The following DCAF5 variants were observed in gnomAD, a reference collection of about 807,000 sequenced individuals.
DCAF5 encodes the protein DDB1- and CUL4-associated factor 5.
DCAF5 carries 9 observed loss-of-function variants against 80.7 expected under a neutral mutation model. The observed-to-expected ratio is 0.11, with a 90% confidence interval of 0.07 to 0.19. The LOEUF is 0.19. Ranked by LOEUF, DCAF5 falls within the 10% of genes least tolerant of loss-of-function variation. The pLI, the probability that DCAF5 is intolerant of heterozygous loss-of-function variation, is 1.00. For synonymous variants in DCAF5, 433 were observed against 461.9 expected (o/e 0.94, Z 0.80); for missense variants, 842 against 1,205.7 (o/e 0.70, Z 4.47).
chr14:69,059,882 G>A (rs190034308), intron 8 of DCAF5, among the ~76,000 whole-genome samples: 1 of 152,346 alleles, frequency 6.6e-6, no homozygotes, highest in African/African-American at 2.4e-5. Context: ...GAGCTCCATA[G>A]TTCAGTCTGG....
At chr14:69,110,166 T>C (rs2040306470) in intron 5 of DCAF5, among the ~76,000 whole-genome samples, 1 of 152,166 alleles carries the variant, frequency 6.6e-6, no homozygotes, top group African/African-American at 2.4e-5. Context: ...TGATTTTTTG[T>C]TTTTTACTTA....
intron 8 of DCAF5, among the ~76,000 whole-genome samples, chr14:69,059,335 A>G (rs537839097): frequency 6.6e-6 from 1 of 152,294 alleles, no homozygotes; most frequent in East Asian, 1.9e-4. Context: ...AGGTGGCAGT[A>G]AAGGACAAGG....
intron 7 of DCAF5, among the ~76,000 whole-genome samples, chr14:69,064,107 G>T (rs1463779654): frequency 1.3e-5 from 2 of 152,078 alleles, no homozygotes; most frequent in Non-Finnish European, 2.9e-5. Flanking sequence ...TTCCTAAGGT[G>T]GTATGAAAGG....
chr14:69,122,547 T>C (rs2040754784), intron 1 of DCAF5, among the ~76,000 whole-genome samples, 187 bp from the exon 2 acceptor site: 1 of 152,172 alleles, frequency 6.6e-6, no homozygotes, highest in African/African-American at 2.4e-5. Flanking sequence ...CTCTAGGCCA[T>C]TCATCTCTCC....
Position 69,054,520 on chromosome 14 carries a change from G to T in DCAF5, c.2166C>A (p.Asp722Glu), listed in dbSNP as rs754089647. The change falls in exon 9 of 9, where the codon GAC becomes GAA. Residue 722 changes from aspartate (D) to glutamate (E), a missense_variant. Asp to Glu is a conservative substitution (Grantham distance 45). Transcript: ENST00000341516. ...LNIAMAQRNQ[D>E]LPPEGCSKDT... ...CCTTGCTGCAGCCTTCAGGTGGCAG[G>T]TCCTGGTTCCTCTGGGCCATTGCTA... is the stretch of plus-strand genomic sequence containing the variant. 2.5e-6 allele frequency: 4 copies of T among 1,614,166 alleles called. No homozygotes were observed. The highest frequency in any genetic ancestry group is 8.5e-7 in the Non-Finnish European group (1 of 1,180,026).
intron 6 of DCAF5, chr14:69,084,349 T>C (rs755117674): frequency 1.5e-5 from 14 of 948,868 alleles, no homozygotes; most frequent in Non-Finnish European, 2.4e-5. Context: ...GGTTTATGTA[T>C]AAAAATCTGC....
intron 5 of DCAF5, among the ~76,000 whole-genome samples, chr14:69,110,868 C>G (rs1198985038): frequency 9.3e-6 from 1 of 108,102 alleles, no homozygotes; most frequent in East Asian, 3.6e-4. Context: ...CAGACCAAGA[C>G]CCTGTCTCAA....
chr14:69,105,945 A>ATATATATATATATATC, intron 5 of DCAF5, among the ~76,000 whole-genome samples: 1 of 66,664 alleles, frequency 1.5e-5, no homozygotes, highest in East Asian at 2.6e-4. Context: ...ATATATATAT[A>ATATATATATATATATC]TCTCCTATTG....
chr14:69,103,070 T>A (rs1426097196), intron 5 of DCAF5, among the ~76,000 whole-genome samples: 1 of 152,226 alleles, frequency 6.6e-6, no homozygotes, highest in African/African-American at 2.4e-5. Context: ...ACTTTTGTCA[T>A]ACATGTGGGT....
chr14:69,059,649 T>C (rs1268900429), intron 8 of DCAF5, among the ~76,000 whole-genome samples: 2 of 152,190 alleles, frequency 1.3e-5, no homozygotes, highest in African/African-American at 4.8e-5. Flanking sequence ...GCCATTGGTC[T>C]CATCCTTCTC....
chr14:69,122,007 G>A (rs1285789514), intron 2 of DCAF5, among the ~76,000 whole-genome samples: 3 of 151,890 alleles, frequency 2.0e-5, no homozygotes, highest in Non-Finnish European at 2.9e-5. Flanking sequence ...AAAAAGACAG[G>A]TGAAGAAAAG....
chr14:69,091,053 T>G (rs1194290942), intron 6 of DCAF5: 1 of 741,154 alleles, frequency 1.3e-6, no homozygotes, highest in South Asian at 1.4e-5. Context: ...CCAAGTATAT[T>G]CTTAAACTGC....
intron 1 of DCAF5, among the ~76,000 whole-genome samples, chr14:69,132,790 G>GA (rs1424221774): frequency 6.6e-6 from 1 of 152,080 alleles, no homozygotes; most frequent in Non-Finnish European, 1.5e-5. Flanking sequence ...AAAATAATAA[G>GA]AAAAAACCCA....
intron 6 of DCAF5, among the ~76,000 whole-genome samples, chr14:69,088,621 T>C (rs1448809424): frequency 6.6e-6 from 1 of 152,208 alleles, no homozygotes; most frequent in Non-Finnish European, 1.5e-5. Context: ...CTCAGATAAA[T>C]AGGATCTCTT....
At chr14:69,124,846 C>T (rs1261586370) in intron 1 of DCAF5, among the ~76,000 whole-genome samples, 1 of 152,156 alleles carries the variant, frequency 6.6e-6, no homozygotes. Flanking sequence ...TGACTTATCA[C>T]TGCTTCTGCT....
chr14:69,138,479 T>C (rs530613625), intron 1 of DCAF5, among the ~76,000 whole-genome samples: 1 of 152,262 alleles, frequency 6.6e-6, no homozygotes, highest in South Asian at 2.1e-4. Flanking sequence ...ATCAAAACCA[T>C]GTTCAGGGGC....
chr14:69,118,400 A>C lies in DCAF5; in HGVS notation c.396-122T>G. 9.9e-7 allele frequency: 1 copy of C among 1,012,192 alleles called. No homozygotes were observed. Among genetic ancestry groups the C allele is most frequent in the Non-Finnish European group, 1.4e-6 (1 of 728,856 alleles). 62.7% of individuals were successfully genotyped at this position (1,012,192 alleles called of 1,614,324 possible). A position where few individuals can be genotyped will look rare whatever the true frequency, so the allele number is the denominator to read the frequency against. ...TCTAGAAGAAAGTCAACCTAGCTAAACCCAAAAAATATTATATTTCCTGAA... is the reference window on the plus strand; with the variant it reads ...TCTAGAAGAAAGTCAACCTAGCTAACCCCAAAAAATATTATATTTCCTGAA... On this transcript the variant is annotated intron_variant, in intron 3 of 8. Coordinates refer to ENST00000341516, the MANE Select transcript of DCAF5 (RefSeq NM_003861.3). The surrounding 1 kb of genome is among the most constrained non-coding windows in gnomAD (Gnocchi z 4.0).
intron 1 of DCAF5, 84 bp from the exon 2 acceptor site, chr14:69,122,444 C>A: frequency 6.9e-7 from 1 of 1,444,406 alleles, no homozygotes; most frequent in Non-Finnish European, 9.5e-7. Flanking sequence ...GAATCCCATC[C>A]TTTCCAAAAC....
chr14:69,099,677 T>C (rs2039880909), intron 5 of DCAF5, among the ~76,000 whole-genome samples: 3 of 152,210 alleles, frequency 2.0e-5, no homozygotes, highest in Admixed American at 2.0e-4. Context: ...GCATGGTGGT[T>C]CATGCCTGTA....
Sources: allele counts gnomAD v4.1 joint callset (sites outside exome capture counted in the v4.1 genomes callset), GRCh38; gene constraint gnomAD v4.1.1; non-coding constraint Gnocchi (gnomAD v3.1); transcripts MANE v1.5; gene names NCBI Gene and HGNC (gene_info 2026-07-23, HGNC 2026-07-21).